ZSCAN25: variants seen among roughly 807,000 people sequenced by gnomAD.
ZSCAN25 encodes zinc finger and SCAN domain containing 25, also known as zinc finger and SCAN domain-containing protein 25.
In ZSCAN25, 27 loss-of-function variants were observed where a neutral mutation model predicts 38.7. The ratio of observed to expected loss-of-function variants is 0.70; its 90% CI spans 0.51 to 0.96. The LOEUF (loss-of-function observed/expected upper bound fraction) is 0.96. ZSCAN25 is among the 40% of genes least tolerant of loss of function. The probability of loss-of-function intolerance (pLI) is 0.00; values close to 1 mark genes in which losing one functional copy is unlikely to be tolerated. For missense variants in ZSCAN25, 637 were observed against 705.9 expected (o/e 0.90, Z 1.11); for synonymous variants, 273 against 277.7 (o/e 0.98, Z 0.17).
the ZSCAN25 span, chr7:99,730,930 A>T: frequency 3.9e-5 from 48 of 1,245,446 alleles, 1 homozygote; most frequent in South Asian, 6.7e-4. Flanking sequence ...GCTCTGGGTG[A>T]TGCCTACACG....
the ZSCAN25 span, chr7:99,717,311 A>T: frequency 3.1e-6 from 5 of 1,613,582 alleles, no homozygotes; most frequent in Non-Finnish European, 4.2e-6. Flanking sequence ...GTGCAGACAT[A>T]AGTCCCAGAA....
At chr7:99,694,972 T>A in the ZSCAN25 span, among the ~76,000 whole-genome samples, 2 of 139,952 alleles carry the variant, frequency 1.4e-5, no homozygotes, top group East Asian at 4.0e-4. Context: ...TGCATATGAT[T>A]CTGCCTTTGT....
the ZSCAN25 span, among the ~76,000 whole-genome samples, chr7:99,698,816 G>T: frequency 6.6e-6 from 1 of 152,232 alleles, no homozygotes; most frequent in South Asian, 2.1e-4. Flanking sequence ...ATTTAAAAAT[G>T]AATGAATTTA....
At chr7:99,682,873 G>A in the ZSCAN25 span, among the ~76,000 whole-genome samples, 1 of 151,930 alleles carries the variant, frequency 6.6e-6, no homozygotes, top group Non-Finnish European at 1.5e-5. Flanking sequence ...TTTTATTTGG[G>A]GTTATTGTAA....
chr7:99,641,274 G>C, the ZSCAN25 span, among the ~76,000 whole-genome samples: 2 of 152,158 alleles, frequency 1.3e-5, no homozygotes, highest in Non-Finnish European at 2.9e-5. Flanking sequence ...TCTTCATATG[G>C]CAGCAGGAAG....
the ZSCAN25 span, among the ~76,000 whole-genome samples, chr7:99,725,053 C>A: frequency 6.6e-6 from 1 of 152,050 alleles, no homozygotes; most frequent in African/African-American, 2.4e-5. Flanking sequence ...AGATGGACTC[C>A]CCAGGTATAG....
At chr7:99,680,447 G>T in the ZSCAN25 span, among the ~76,000 whole-genome samples, 4,508 of 152,084 alleles carry the variant, frequency 0.03, 216 homozygotes, top group African/African-American at 0.1. Context: ...CCTCCTCTGG[G>T]TGCCTCCTAT....
chr7:99,639,196 T>C, the ZSCAN25 span, among the ~76,000 whole-genome samples: 2 of 152,228 alleles, frequency 1.3e-5, no homozygotes, highest in African/African-American at 2.4e-5. Context: ...GAATCGACTT[T>C]AGCTGAGAAT....
chr7:99,709,117 C>T, the ZSCAN25 span: 3 of 1,613,984 alleles, frequency 1.9e-6, no homozygotes, highest in South Asian at 3.3e-5. Context: ...ACCACCACCC[C>T]TTTGGGAATA....
intron 6 of ZSCAN25, among the ~76,000 whole-genome samples, chr7:99,622,869 C>T (rs762893685): frequency 1.1e-4 from 16 of 152,330 alleles, no homozygotes; most frequent in Non-Finnish European, 2.1e-4. Flanking sequence ...TGCAGTGGCA[C>T]GGTCTTGGCT....
At chr7:99,725,604 G>T in the ZSCAN25 span, among the ~76,000 whole-genome samples, 1 of 152,206 alleles carries the variant, frequency 6.6e-6, no homozygotes, top group East Asian at 1.9e-4. Context: ...CCTAAGCCGT[G>T]CCCTGTCTGT....
At chr7:99,717,376 T>C in the ZSCAN25 span, 2 of 1,600,432 alleles carry the variant, frequency 1.2e-6, no homozygotes, top group African/African-American at 2.7e-5. Flanking sequence ...ATGAATTTTA[T>C]GATGTGTTTT....
chr7:99,629,474 C>A lies in ZSCAN25; in HGVS notation c.1089C>A (p.Leu363=). ...AAGGATTCAGTCGGAGCTCCAATCT[C>A]GTCAGGCACCAGCGAACCCACGAAG... ...CGKGFSRSSN[L]VRHQRTHEEK... Residue 363 remains leucine (L), a synonymous_variant, in exon 8 of 8, where the codon CTC becomes CTA. Transcript: ENST00000394152. The surrounding 1 kb of genome is among the most constrained non-coding windows in gnomAD (Gnocchi z 5.6). 1 of 1,614,240 alleles carries A rather than the reference C, an allele frequency of 6.2e-7. No individual in the cohort carries two copies. The highest frequency in any genetic ancestry group is 8.5e-7 in the Non-Finnish European group (1 of 1,180,044).
intron 7 of ZSCAN25, among the ~76,000 whole-genome samples, chr7:99,627,238 A>G (rs990109173): frequency 4.6e-5 from 7 of 152,238 alleles, no homozygotes; most frequent in Non-Finnish European, 2.9e-5. Flanking sequence ...GCCCAGTAGC[A>G]TAATTTCATC....
chr7:99,702,960 T>G, the ZSCAN25 span, among the ~76,000 whole-genome samples: 2 of 152,228 alleles, frequency 1.3e-5, no homozygotes, highest in Non-Finnish European at 2.9e-5. Context: ...GATCTCTCTC[T>G]TCTTTGATTA....
the ZSCAN25 span, among the ~76,000 whole-genome samples, chr7:99,678,270 G>T: frequency 1.3e-5 from 2 of 152,150 alleles, no homozygotes; most frequent in Non-Finnish European, 2.9e-5. Context: ...TTTGCCCTTT[G>T]AGTGACCTCC....
At chr7:99,700,104 G>C in the ZSCAN25 span, 3 of 1,121,108 alleles carry the variant, frequency 2.7e-6, no homozygotes, top group South Asian at 1.2e-5. Context: ...TTGCTGGGCT[G>C]TCTGCCTGGA....
chr7:99,648,471 GAA>G, the ZSCAN25 span: 19 of 814,344 alleles, frequency 2.3e-5, no homozygotes, highest in East Asian at 7.4e-4. Flanking sequence ...AAGCAAAGTA[GAA>G]AAAATATGAC....
At chr7:99,708,944 G>T in the ZSCAN25 span, 2 of 1,402,132 alleles carry the variant, frequency 1.4e-6, no homozygotes, top group South Asian at 1.2e-5. Context: ...ACAAGCAAAC[G>T]ATTGTACAAG....
Sources: gnomAD v4.1 joint callset for allele counts (sites outside exome capture counted in the v4.1 genomes callset) on GRCh38, gnomAD v4.1.1 for gene constraint, Gnocchi (gnomAD v3.1) non-coding constraint, MANE v1.5 for transcripts, NCBI Gene and HGNC (gene_info 2026-07-23, HGNC 2026-07-21) for gene names.